NHSL1: variants seen among roughly 807,000 people sequenced by gnomAD.
NHSL1 encodes the protein NHS-like protein 1.
In NHSL1, 48 loss-of-function variants were observed where a neutral mutation model predicts 95.0. That is an observed-to-expected ratio of 0.51 (90% CI 0.40 to 0.64). The LOEUF (loss-of-function observed/expected upper bound fraction) is 0.64. Ranked by LOEUF, NHSL1 falls within the 30% of genes least tolerant of loss-of-function variation. NHSL1 has a pLI of 0.00. For missense variants in NHSL1, 1,971 were observed against 2,077.7 expected (o/e 0.95, Z 1.00); for synonymous variants, 783 against 833.9 (o/e 0.94, Z 1.05).
intron 3 of NHSL1, among the ~76,000 whole-genome samples, chr6:138,453,423 C>G (rs1293268347): frequency 6.6e-6 from 1 of 152,068 alleles, no homozygotes; most frequent in Non-Finnish European, 1.5e-5. Flanking sequence ...ACAGTGATTA[C>G]AGCTCATGGC....
At chr6:138,637,382 A>G (rs192159468) in intron 1 of NHSL1, among the ~76,000 whole-genome samples, 3 of 152,356 alleles carry the variant, frequency 2.0e-5, no homozygotes, top group Admixed American at 6.5e-5. Context: ...AACCAAAGCA[A>G]AAATGAACAC....
At chr6:138,551,280 T>G (rs1782991314) in intron 1 of NHSL1, among the ~76,000 whole-genome samples, 1 of 152,218 alleles carries the variant, frequency 6.6e-6, no homozygotes, top group Non-Finnish European at 1.5e-5. Flanking sequence ...GTGGGGCTAC[T>G]GTATTCAGAC....
At chr6:138,461,797 T>G (rs1778014988) in intron 3 of NHSL1, among the ~76,000 whole-genome samples, 1 of 152,182 alleles carries the variant, frequency 6.6e-6, no homozygotes. Context: ...AAAGTAGGGT[T>G]TCTTCAAGAT....
chr6:138,424,053 G>A lies in NHSL1; in HGVS notation c.*28C>T, dbSNP rs1045437676. On this transcript the variant is annotated 3_prime_UTR_variant, in exon 8 of 8. Coordinates refer to ENST00000343505, the MANE Select transcript of NHSL1 (RefSeq NM_001144060.2). The surrounding 1 kb of genome is among the most constrained non-coding windows in gnomAD (Gnocchi z 5.9). ...TGCTGCATTGCTCGTCTCCCCCCGT[G>A]TCACCTGGGAGAGTTACGTTCTTGG... The A allele has an allele frequency of 2.2e-6, 3 of 1,353,782 alleles. No individual in the cohort carries two copies. Among genetic ancestry groups the A allele is most frequent in the Non-Finnish European group, 2.8e-6 (3 of 1,055,828 alleles). 83.9% of individuals were successfully genotyped at this position (1,353,782 alleles called of 1,614,324 possible). A position where few individuals can be genotyped will look rare whatever the true frequency, so the allele number is the denominator to read the frequency against.
intron 1 of NHSL1, among the ~76,000 whole-genome samples, chr6:138,589,303 C>T (rs1417007453): frequency 6.6e-6 from 1 of 152,154 alleles, no homozygotes; most frequent in Non-Finnish European, 1.5e-5. Flanking sequence ...ATCAAATGAC[C>T]TGATCCCTAA....
intron 1 of NHSL1, among the ~76,000 whole-genome samples, chr6:138,621,739 TC>T: frequency 1.3e-5 from 2 of 151,896 alleles, no homozygotes; most frequent in Middle Eastern, 3.4e-3. Context: ...TGATTAGCTA[TC>T]CAAAAAAAAT....
chr6:138,545,745 C>T (rs976872757), upstream of NHSL1: 25 of 1,231,804 alleles, frequency 2.0e-5, no homozygotes, highest in Non-Finnish European at 2.4e-5. Flanking sequence ...TGCCAGAGAG[C>T]GGGGCGGCCA....
chr6:138,665,199 T>C (rs1202286817), intron 1 of NHSL1, among the ~76,000 whole-genome samples: 1 of 152,232 alleles, frequency 6.6e-6, no homozygotes, highest in African/African-American at 2.4e-5. Flanking sequence ...TTGGCTTATG[T>C]GCTGTGTCAT....
intron 1 of NHSL1, among the ~76,000 whole-genome samples, chr6:138,665,518 A>T (rs913376266): frequency 2.6e-5 from 4 of 152,316 alleles, no homozygotes; most frequent in African/African-American, 9.6e-5. Context: ...GCACTTTACC[A>T]GCAATGCCCA....
chr6:138,663,702 T>C (rs1257619181), intron 1 of NHSL1, among the ~76,000 whole-genome samples: 1 of 152,046 alleles, frequency 6.6e-6, no homozygotes. Flanking sequence ...AAACCCCATC[T>C]CTACTAAAAA....
intron 1 of NHSL1, among the ~76,000 whole-genome samples, chr6:138,682,896 G>C (rs1785531501): frequency 6.6e-6 from 1 of 152,196 alleles, no homozygotes; most frequent in Admixed American, 6.5e-5. Context: ...GCTGCTGCAC[G>C]TTCCAAGATG....
chr6:138,527,896 A>T (rs1345234860), intron 1 of NHSL1, among the ~76,000 whole-genome samples: 1 of 152,252 alleles, frequency 6.6e-6, no homozygotes, highest in Non-Finnish European at 1.5e-5. Flanking sequence ...TCGGGAAGTT[A>T]AGTGACTTGC....
intron 3 of NHSL1, among the ~76,000 whole-genome samples, chr6:138,455,345 C>G (rs574890089): frequency 5.9e-5 from 9 of 152,204 alleles, no homozygotes; most frequent in African/African-American, 2.2e-4. Context: ...GCATACCAGA[C>G]AAGTCAAAGA....
chr6:138,499,840 G>GA (rs539941862), upstream of NHSL1, among the ~76,000 whole-genome samples: 9 of 151,972 alleles, frequency 5.9e-5, no homozygotes, highest in African/African-American at 1.9e-4. Flanking sequence ...ATTTAGGGGG[G>GA]AAAAAAACCA....
intron 3 of NHSL1, among the ~76,000 whole-genome samples, chr6:138,452,752 T>C (rs1777321488): frequency 6.6e-6 from 1 of 152,204 alleles, no homozygotes; most frequent in Admixed American, 6.5e-5. Flanking sequence ...CTTTTGGCTA[T>C]ATGTTTCTTC....
intron 5 of NHSL1, among the ~76,000 whole-genome samples, chr6:138,437,323 C>CATATATAT (rs1562270009): frequency 4.3e-5 from 3 of 70,064 alleles, no homozygotes; most frequent in South Asian, 4.7e-4. Flanking sequence ...TATATATACA[C>CATATATAT]ACACACATAT....
intron 1 of NHSL1, among the ~76,000 whole-genome samples, chr6:138,618,359 T>C (rs1019710870): frequency 6.6e-6 from 1 of 152,220 alleles, no homozygotes; most frequent in Non-Finnish European, 1.5e-5. Flanking sequence ...TAAAACCTGA[T>C]TTAAAACCAC....
exon 1 of NHSL1, chr6:138,571,844 A>C (rs1242343039): frequency 6.4e-7 from 1 of 1,551,868 alleles, no homozygotes; most frequent in Admixed American, 2.0e-5. Context: ...TATCCAACTT[A>C]CAGCACGTGA....
At chr6:138,689,845 G>A (rs761368792) in intron 1 of NHSL1, among the ~76,000 whole-genome samples, 7 of 151,194 alleles carry the variant, frequency 4.6e-5, no homozygotes, top group Non-Finnish European at 7.4e-5. Context: ...ACGGGGTTTC[G>A]CCATGTTGGC....
Sources: gnomAD v4.1 joint callset for allele counts (sites outside exome capture counted in the v4.1 genomes callset) on GRCh38, gnomAD v4.1.1 for gene constraint, Gnocchi (gnomAD v3.1) non-coding constraint, MANE v1.5 for transcripts, NCBI Gene and HGNC (gene_info 2026-07-23, HGNC 2026-07-21) for gene names.